SYNE1: variants seen among roughly 807,000 people sequenced by gnomAD.
The protein encoded by SYNE1 is nesprin-1.
In SYNE1, 616 loss-of-function variants were observed where a neutral mutation model predicts 1,111.0. That is an observed-to-expected ratio of 0.55 (90% CI 0.52 to 0.59). SYNE1 has a LOEUF of 0.59. Ranked by LOEUF, SYNE1 falls within the 20% of genes least tolerant of loss-of-function variation. The pLI is 0.00. For synonymous variants in SYNE1, 3,855 were observed against 3,825.8 expected (o/e 1.01, Z -0.28); for missense variants, 10,006 against 10,417.0 (o/e 0.96, Z 1.72).
chr6:152,464,820 A>C (rs2098754812), intron 18 of SYNE1: 1 of 253,482 alleles, frequency 3.9e-6, no homozygotes, highest in African/African-American at 2.3e-5. Flanking sequence ...CCTTGCTTGA[A>C]GGTTGATAAA....
chr6:152,368,860 A>T (rs1372157500), intron 61 of SYNE1, 112 bp downstream of exon 61: 1 of 1,329,016 alleles, frequency 7.5e-7, no homozygotes, highest in Non-Finnish European at 1.1e-6. Context: ...GCTGACCTGG[A>T]GACCCACACT....
rs531268276 is a variant in SYNE1 at position 152,178,912 on chromosome 6, T to C, written c.23460+1224A>G. Among the ~76,000 whole-genome samples, 3 of 62,302 alleles carry C rather than the reference T, an allele frequency of 4.8e-5. No individual in the cohort carries two copies. The South Asian group carries it at 2.9e-3, about 61-fold the overall frequency. 40.9% of individuals were successfully genotyped at this position (62,302 alleles called of 152,430 possible). A position where few individuals can be genotyped will look rare whatever the true frequency, so the allele number is the denominator to read the frequency against. On this transcript the variant is annotated intron_variant, in intron 129 of 145. Transcript: ENST00000367255. ...AACAACACTGAAATCACCCAATTCTTTTTTTTTTTTTTTTTTTTTGAGACA... is the reference window on the plus strand; with the variant it reads ...AACAACACTGAAATCACCCAATTCTCTTTTTTTTTTTTTTTTTTTGAGACA...
At chr6:152,599,966 A>AC (rs1436179110) in intron 3 of SYNE1, among the ~76,000 whole-genome samples, 12 of 152,230 alleles carry the variant, frequency 7.9e-5, no homozygotes, top group African/African-American at 2.9e-4. Context: ...GGTAAAAGGT[A>AC]CGACTTGGGT....
intron 6 of SYNE1, among the ~76,000 whole-genome samples, chr6:152,516,972 C>A (rs539877270): frequency 9.1e-4 from 139 of 152,248 alleles, no homozygotes; most frequent in Non-Finnish European, 1.7e-3. Context: ...AGAAGAGAAA[C>A]CCTTCAATAA....
chr6:152,211,649 T>C (rs576898401), intron 123 of SYNE1, 61 bp from the exon 124 acceptor site: 1 of 1,419,634 alleles, frequency 7.0e-7, no homozygotes, highest in East Asian at 2.3e-5. Flanking sequence ...ATCGGTTCTC[T>C]GATAACTTTC....
intron 138 of SYNE1, among the ~76,000 whole-genome samples, 165 bp downstream of exon 138, chr6:152,143,458 T>C (rs1225584581): frequency 7.9e-5 from 12 of 152,178 alleles, no homozygotes; most frequent in Admixed American, 7.9e-4. Context: ...TCTACTCAAA[T>C]GGTAACTTAA....
chr6:152,474,690 G>A (rs897362105), intron 14 of SYNE1: 40 of 152,152 alleles, frequency 2.6e-4, no homozygotes, highest in African/African-American at 9.2e-4. Context: ...AAGATAAAAA[G>A]GACAGTGGTT....
At chr6:152,438,494 T>C (rs777588790) in intron 32 of SYNE1, among the ~76,000 whole-genome samples, 2 of 152,178 alleles carry the variant, frequency 1.3e-5, no homozygotes, top group Non-Finnish European at 2.9e-5. Context: ...GCCTTATCTC[T>C]AACTTCTTAG....
At position 152,447,339 on chromosome 6, in the gene SYNE1, A is replaced by G. The variant is rs1302364009; in HGVS notation, c.3669+119T>C. On this transcript the variant is annotated intron_variant, in intron 29 of 145. Coordinates refer to ENST00000367255, the MANE Select transcript of SYNE1 (RefSeq NM_182961.4). ...TTCATACAAAAAAAGCATAACAACA[A>G]TTCTGTTTCAACTATGGTTTCTTTA... 4.3e-6 allele frequency: 5 copies of G among 1,157,542 alleles called. No individual in the cohort carries two copies. In the African/African-American group the frequency reaches 7.8e-5, roughly 18 times the overall value. 71.7% of individuals were successfully genotyped at this position (1,157,542 alleles called of 1,614,324 possible). A position where few individuals can be genotyped will look rare whatever the true frequency, so the allele number is the denominator to read the frequency against.
chr6:152,614,211 G>A (rs2128827077), intron 3 of SYNE1, among the ~76,000 whole-genome samples: 1 of 152,206 alleles, frequency 6.6e-6, no homozygotes. Context: ...CCTACAGAAT[G>A]GGAGAAAATT....
Position 152,386,961 on chromosome 6 carries a change from C to T in SYNE1, c.8487+111G>A, listed in dbSNP as rs552576614. On this transcript the variant is annotated intron_variant, in intron 54 of 145. Transcript: ENST00000367255. ...GCAGCCAATTCTCCAACAATTTAAT[C>T]CACAGTTTCTTCTTTACCTGACCTT... 2.5e-5 allele frequency: 24 copies of T among 950,020 alleles called. No homozygotes were observed. In the South Asian group the frequency reaches 4.6e-4, roughly 18 times the overall value. 58.8% of individuals were successfully genotyped at this position (950,020 alleles called of 1,614,324 possible). A position where few individuals can be genotyped will look rare whatever the true frequency, so the allele number is the denominator to read the frequency against.
rs115814374 is a variant in SYNE1, at chr6:152,636,740, C to A, written c.-326G>T. On this transcript the variant is annotated 5_prime_UTR_variant, in exon 2 of 146. Transcript: ENST00000367255. The stretch of plus-strand genomic sequence containing the variant: ...GGCTCGGCGGGACCCCGGGGATGCG[C>A]GGCTGTCCGCCCGCCCTGTCGCCGG... 1 of 152,302 alleles carries A rather than the reference C, an allele frequency of 6.6e-6. No homozygotes were observed. Among genetic ancestry groups the A allele is most frequent in the Non-Finnish European group, 1.5e-5 (1 of 68,116 alleles). The allele number at this position is 152,302 out of a possible 1,614,324, so 9.4% of individuals were successfully genotyped here.
intron 2 of SYNE1, among the ~76,000 whole-genome samples, chr6:152,635,172 C>G (rs2099704091): frequency 6.6e-6 from 1 of 152,150 alleles, no homozygotes; most frequent in Admixed American, 6.5e-5. Context: ...GCAGGAAGGA[C>G]TCAAGTAAAA....
chr6:152,260,775 A>G (rs2091876513), intron 101 of SYNE1, among the ~76,000 whole-genome samples: 1 of 151,706 alleles, frequency 6.6e-6, no homozygotes, highest in Admixed American at 6.6e-5. Context: ...TCATAATAGA[A>G]GCATGCAACC....
At chr6:152,504,876 G>C (rs7772823) in intron 9 of SYNE1, among the ~76,000 whole-genome samples, 11,532 of 152,212 alleles carry the variant, frequency 0.076, 516 homozygotes, top group African/African-American at 0.11. Flanking sequence ...AGATTATATA[G>C]AGTAATTATA....
chr6:152,317,812 A>G (rs1311123609), intron 86 of SYNE1, among the ~76,000 whole-genome samples: 1 of 152,150 alleles, frequency 6.6e-6, no homozygotes, highest in South Asian at 2.1e-4. Flanking sequence ...TCTACAAAAT[A>G]CTTCTCCATT....
In SYNE1 at chr6:152,143,706, G is replaced by A. The variant is rs543351996; in HGVS notation, c.25036C>T (p.Arg8346Cys). ...TTTTCGGTTTGCTGTATCTGAAAACGGCTATCATCCAGGGCTTTGCCCAGT... is the reference window on the plus strand; with the variant it reads ...TTTTCGGTTTGCTGTATCTGAAAACAGCTATCATCCAGGGCTTTGCCCAGT... Reference protein sequence around the residue: ...RQLGKALDDSRFQIQQTENII... With the variant: ...RQLGKALDDSCFQIQQTENII... The change falls in exon 138 of 146, where the codon CGT becomes TGT. Residue 8346 changes from arginine to cysteine, a missense_variant. Arg to Cys is a radical substitution (Grantham distance 180). Around this residue, in one of 7 missense-constraint regions of SYNE1, gnomAD observed 761 missense variants for 795.5 expected, o/e 0.96. Transcript: ENST00000367255. 14 of 1,614,168 alleles carry A rather than the reference G, an allele frequency of 8.7e-6. No individual in the cohort carries two copies. Among genetic ancestry groups the A allele is most frequent in the African/African-American group, 5.3e-5 (4 of 75,028 alleles).
intron 137 of SYNE1, chr6:152,145,912 C>T: frequency 5.9e-6 from 2 of 338,972 alleles, no homozygotes; most frequent in Non-Finnish European, 1.2e-5. Flanking sequence ...GTAATCCCAG[C>T]TACATGGGAG....
rs770907182 is a variant in SYNE1, at chr6:152,502,659, C to T, written c.862G>A (p.Ala288Thr). ...FLKHYPDIHN[A>T]STDGQEDDEI... ...TCATCCTCTTGCCCATCAGTGCTTG[C>T]ATTGTGGATGTCAGGATAATGTTTC... Residue 288 changes from alanine (A) to threonine (T), a missense_variant, in exon 10 of 146, where the codon GCA (alanine) becomes ACA (threonine). Ala to Thr is a moderately conservative substitution (Grantham distance 58). Around this residue, in one of 7 missense-constraint regions of SYNE1, gnomAD observed 1,971 missense variants for 2,084.1 expected, o/e 0.95. Transcript: ENST00000367255. The T allele has an allele frequency of 5.1e-5, 82 of 1,613,600 alleles. No homozygotes were observed. The highest frequency in any genetic ancestry group is 7.0e-5 in the Non-Finnish European group (82 of 1,179,722).
Sources: gnomAD v4.1 joint callset for allele counts (sites outside exome capture counted in the v4.1 genomes callset) on GRCh38, gnomAD v4.1.1 for gene constraint, gnomAD v4.1.1 regional missense constraint, MANE v1.5 for transcripts, NCBI Gene and HGNC (gene_info 2026-07-23, HGNC 2026-07-21) for gene names.